Variants in TMPRSS3 observed in about 807,000 individuals in gnomAD.
TMPRSS3 encodes the protein transmembrane protease serine 3.
In TMPRSS3, 55 loss-of-function variants were observed where a neutral mutation model predicts 59.6. The ratio of observed to expected loss-of-function variants is 0.92; its 90% CI spans 0.74 to 1.16. TMPRSS3 has a LOEUF of 1.16. Among genes scored for constraint, TMPRSS3 ranks in the 50% most tolerant of loss-of-function variants. The pLI is 0.00. For synonymous variants in TMPRSS3, 257 were observed against 237.7 expected (o/e 1.08, Z -0.75); for missense variants, 596 against 579.4 (o/e 1.03, Z -0.29).
intron 7 of TMPRSS3, chr21:42,383,607 TC>T: frequency 1.9e-6 from 1 of 518,954 alleles, no homozygotes; most frequent in Non-Finnish European, 3.6e-6. Flanking sequence ...GTGTGAACAC[TC>T]CCCTCTGCCA....
rs200199344 is a variant in TMPRSS3 at position 42,395,400 on chromosome 21, C to A, written c.18G>T (p.Pro6=). The change falls in exon 2 of 13, where the codon CCG becomes CCT. Residue 6 remains proline (P), a synonymous_variant. Transcript: ENST00000644384. ...ATGAGAAGGGGGCTTCAACAGCAGG[C>A]GGATCATTTTCCCCCATGGTGACTA... The part of the protein sequence containing the change: MGEND[P]PAVEAPFSFR... The A allele has an allele frequency of 1.2e-5, 19 of 1,614,130 alleles. No individual in the cohort carries two copies. The African/African-American group carries it at 1.7e-4, about 15-fold the overall frequency.
intron 12 of TMPRSS3, among the ~76,000 whole-genome samples, chr21:42,373,177 C>T (rs531836583): frequency 7.9e-5 from 12 of 152,326 alleles, no homozygotes; most frequent in African/African-American, 2.6e-4. Context: ...GGACACTTCC[C>T]CGCAAGACAG....
At chr21:42,382,668 C>T (rs1232357512) in intron 8 of TMPRSS3, 3 of 409,498 alleles carry the variant, frequency 7.3e-6, no homozygotes, top group South Asian at 4.7e-5. Context: ...AACATATTCC[C>T]TCTAGCCTCC....
At chr21:42,378,138 C>T (rs1175916063) in intron 10 of TMPRSS3, among the ~76,000 whole-genome samples, 1 of 152,244 alleles carries the variant, frequency 6.6e-6, no homozygotes, top group African/African-American at 2.4e-5. Flanking sequence ...CACACTGGCA[C>T]AGAACTGGGC....
At chr21:42,377,982 C>G (rs2052459137) in intron 10 of TMPRSS3, among the ~76,000 whole-genome samples, 1 of 152,230 alleles carries the variant, frequency 6.6e-6, no homozygotes, top group African/African-American at 2.4e-5. Context: ...CTTCAGAGCC[C>G]AGTGTCATCA....
At position 42,392,804 on chromosome 21, in the gene TMPRSS3, T is replaced by C. The variant is rs903675881; in HGVS notation, c.94+2520A>G. 4.6e-5 allele frequency among the ~76,000 whole-genome samples: 7 copies of C among 152,364 alleles called. No individual in the cohort carries two copies. The South Asian group carries it at 8.3e-4, about 18-fold the overall frequency. On this transcript the variant is annotated intron_variant, in intron 2 of 12. Coordinates refer to ENST00000644384, the MANE Select transcript of TMPRSS3 (RefSeq NM_001256317.3). ...ACATTCCAGCTGCTCTGTATTTAAG[T>C]TGGATTTAGAAAATGACCCCAAATT...
At chr21:42,383,828 G>A (rs888211871) in intron 7 of TMPRSS3, 142 bp downstream of exon 7, 2 of 851,254 alleles carry the variant, frequency 2.3e-6, no homozygotes, top group African/African-American at 3.4e-5. Flanking sequence ...TCCTCCAGCA[G>A]GTAGGGGTAC....
At chr21:42,382,966 A>G (rs2052558578) in intron 8 of TMPRSS3, 67 bp downstream of exon 8, 33 of 1,602,920 alleles carry the variant, frequency 2.1e-5, no homozygotes, top group Non-Finnish European at 2.6e-5. Flanking sequence ...TCACCACCCA[A>G]AGCAGCCCCA....
intron 6 of TMPRSS3, among the ~76,000 whole-genome samples, chr21:42,385,067 C>CTCTTCCTCCCTCCCTTCCTTCCTTCCTT (rs762370916): frequency 7.6e-6 from 1 of 132,412 alleles, no homozygotes; most frequent in Non-Finnish European, 1.6e-5. Flanking sequence ...CTCCCTCCCT[C>CTCTTCCTCCCTCCCTTCCTTCCTTCCTT]CCTCCCTTCC....
intron 6 of TMPRSS3, among the ~76,000 whole-genome samples, chr21:42,385,047 C>CCCTCCCTTCCTT (rs2052606466): frequency 1.1e-5 from 1 of 92,152 alleles, no homozygotes; most frequent in Non-Finnish European, 2.0e-5. Context: ...CTCCCTCCCT[C>CCCTCCCTTCCTT]CCTTCCTTCC....
Position 42,395,307 on chromosome 21 carries a change from C to T in TMPRSS3, c.94+17G>A. On this transcript the variant is annotated intron_variant, in intron 2 of 12. Coordinates refer to ENST00000644384, the MANE Select transcript of TMPRSS3 (RefSeq NM_001256317.3). ...GTATGGGCAGAAATCACAGAGTCCTCACCTGGGTCCACTTACCTGGTGCAA... is the reference window on the plus strand; with the variant it reads ...GTATGGGCAGAAATCACAGAGTCCTTACCTGGGTCCACTTACCTGGTGCAA... The T allele has an allele frequency of 1.2e-6, 2 of 1,609,514 alleles. No individual in the cohort carries two copies. Among genetic ancestry groups the T allele is most frequent in the Non-Finnish European group, 1.7e-6 (2 of 1,176,566 alleles).
chr21:42,391,742 G>T (rs527646292), intron 2 of TMPRSS3, among the ~76,000 whole-genome samples: 2 of 152,308 alleles, frequency 1.3e-5, no homozygotes, highest in South Asian at 4.1e-4. Flanking sequence ...AGAGTCCTTT[G>T]TCTCTGACCC....
rs225312 is a variant in TMPRSS3, at chr21:42,392,052, T to A, written c.95-2015A>T. On this transcript the variant is annotated intron_variant, in intron 2 of 12. Transcript: ENST00000644384. ...TTGTCTTTGTTAAAAATAAGGAAGATTGGAATCCAGAAAGGGGAGAGAAGC... is the reference window on the plus strand; with the variant it reads ...TTGTCTTTGTTAAAAATAAGGAAGAATGGAATCCAGAAAGGGGAGAGAAGC... Among the ~76,000 whole-genome samples, 9 of 152,166 alleles carry A rather than the reference T, an allele frequency of 5.9e-5. No individual in the cohort carries two copies. In the East Asian group the frequency reaches 1.7e-3, roughly 29 times the overall value.
chr21:42,385,678 C>T (rs1350187687), intron 5 of TMPRSS3, 144 bp from the exon 6 acceptor site: 5 of 1,102,844 alleles, frequency 4.5e-6, no homozygotes, highest in African/African-American at 1.6e-5. Context: ...CTTCCTTTGC[C>T]AAGAGAATGA....
chr21:42,389,971 A>G lies in TMPRSS3; in HGVS notation c.161T>C (p.Ile54Thr), dbSNP rs142317371. The G allele has an allele frequency of 4.1e-5, 66 of 1,614,050 alleles. No homozygotes were observed. Among genetic ancestry groups the G allele is most frequent in the African/African-American group, 2.0e-4 (15 of 74,946 alleles). The stretch of plus-strand genomic sequence containing the variant: ...TGCTAATATCAATGCAATGATCCCA[A>G]TGACGATGATTGGAAAAAACTTCAA... ...LPLKFFPIIVIGIIALILALA... is the reference protein window; with the variant it reads ...LPLKFFPIIVTGIIALILALA... The change falls in exon 3 of 13, where the codon ATT becomes ACT. Residue 54 changes from isoleucine (I) to threonine (T), a missense_variant. Ile to Thr is a moderately conservative substitution (Grantham distance 89, BLOSUM62 -1). Transcript: ENST00000644384.
At chr21:42,395,189 G>T (rs2052786357) in intron 2 of TMPRSS3, 135 bp downstream of exon 2, 3 of 760,462 alleles carry the variant, frequency 3.9e-6, no homozygotes, top group Non-Finnish European at 2.3e-6. Flanking sequence ...GCAGATCTAG[G>T]GAAGTGCAGG....
Position 42,372,648 on chromosome 21 carries a change from C to T in TMPRSS3, c.*114G>A. ...TTCGGGCCTGCTACTGGTGCCGGAACTCAGAGCTCCAAGGGTGTCTGCTCG... is the reference window on the plus strand; with the variant it reads ...TTCGGGCCTGCTACTGGTGCCGGAATTCAGAGCTCCAAGGGTGTCTGCTCG... On this transcript the variant is annotated 3_prime_UTR_variant, in exon 13 of 13. Transcript: ENST00000644384. The T allele has an allele frequency of 9.0e-7, 1 of 1,106,898 alleles. No individual in the cohort carries two copies. The highest frequency in any genetic ancestry group is 1.4e-6 in the Non-Finnish European group (1 of 717,270). 68.6% of individuals were successfully genotyped at this position (1,106,898 alleles called of 1,614,324 possible). A position where few individuals can be genotyped will look rare whatever the true frequency, so the allele number is the denominator to read the frequency against.
intron 8 of TMPRSS3, chr21:42,382,665 TC>T: frequency 2.5e-6 from 1 of 405,446 alleles, no homozygotes; most frequent in East Asian, 5.3e-5. Context: ...CCCAACATAT[TC>T]CCTCTAGCCT....
chr21:42,380,350 C>T (rs538790330), intron 9 of TMPRSS3, 138 bp from the exon 10 acceptor site: 72 of 745,152 alleles, frequency 9.7e-5, no homozygotes, highest in African/African-American at 9.0e-4. Context: ...TACTTGAAAA[C>T]GATCAGCTCA....
Sources: gnomAD v4.1 joint callset for allele counts (sites outside exome capture counted in the v4.1 genomes callset) on GRCh38, gnomAD v4.1.1 for gene constraint, MANE v1.5 for transcripts, NCBI Gene and HGNC (gene_info 2026-07-23, HGNC 2026-07-21) for gene names.